DNAH3: variants seen among roughly 807,000 people sequenced by gnomAD.
DNAH3 encodes the protein dynein axonemal heavy chain 3, also known as axonemal beta dynein heavy chain 3.
DNAH3 carries 332 observed loss-of-function variants against 432.5 expected under a neutral mutation model. The ratio of observed to expected loss-of-function variants is 0.77; its 90% CI spans 0.70 to 0.84. DNAH3 has a LOEUF of 0.84. Among genes scored for constraint, DNAH3 ranks in the 40% least tolerant of loss-of-function variants. DNAH3 has a pLI of 0.00. For missense variants in DNAH3, 4,861 were observed against 5,114.0 expected (o/e 0.95, Z 1.51); for synonymous variants, 1,956 against 1,900.2 (o/e 1.03, Z -0.76).
At chr16:20,947,850 C>A (rs985132888) in intron 57 of DNAH3, among the ~76,000 whole-genome samples, 2 of 152,102 alleles carry the variant, frequency 1.3e-5, no homozygotes, top group Non-Finnish European at 2.9e-5. Context: ...GGTCTCAGCT[C>A]ACCACAACCT....
intron 49 of DNAH3, among the ~76,000 whole-genome samples, chr16:20,980,680 G>A (rs1447365031): frequency 1.3e-5 from 2 of 151,988 alleles, no homozygotes; most frequent in African/African-American, 2.4e-5. Context: ...GAAACACCAT[G>A]CCCAGCCAAT....
chr16:20,953,119 TTTTTGTTTGTTTTGC>T (rs1053125310), intron 55 of DNAH3, among the ~76,000 whole-genome samples: 6 of 151,944 alleles, frequency 3.9e-5, no homozygotes, highest in African/African-American at 1.4e-4. Flanking sequence ...ATAGGGAAGT[TTTTTGTTTGTTTTGC>T]TTTTGTTTGT....
At chr16:21,051,251 T>C (rs1366008635) in intron 29 of DNAH3, among the ~76,000 whole-genome samples, 3 of 152,216 alleles carry the variant, frequency 2.0e-5, no homozygotes, top group Non-Finnish European at 2.9e-5. Context: ...TCAGAGGACT[T>C]TGCTGAGCAC....
chr16:21,111,005 G>GA (rs1567808278), intron 14 of DNAH3, among the ~76,000 whole-genome samples: 1 of 152,104 alleles, frequency 6.6e-6, no homozygotes, highest in African/African-American at 2.4e-5. Context: ...AACATAGCAA[G>GA]ACCCTGTCTC....
intron 41 of DNAH3, among the ~76,000 whole-genome samples, chr16:21,005,148 G>A (rs183938468): frequency 1.3e-3 from 184 of 138,404 alleles, no homozygotes; most frequent in Middle Eastern, 0.011. Flanking sequence ...TCTTTCTCTC[G>A]TCTCTTTCTT....
intron 59 of DNAH3, among the ~76,000 whole-genome samples, chr16:20,937,548 TGAGACAG>T (rs2083640086): frequency 6.7e-6 from 1 of 149,448 alleles, no homozygotes. Flanking sequence ...TTTTTTTTTT[TGAGACAG>T]AGTCTTGCCC....
intron 51 of DNAH3, among the ~76,000 whole-genome samples, chr16:20,971,435 C>A (rs2085338030): frequency 6.6e-6 from 1 of 152,102 alleles, no homozygotes. Context: ...AGGGCCACAG[C>A]CCTGAAAGGT....
intron 24 of DNAH3, among the ~76,000 whole-genome samples, chr16:21,064,434 C>T (rs858209): frequency 0.24 from 36,848 of 152,074 alleles, 4,744 homozygotes; most frequent in East Asian, 0.46. Flanking sequence ...CTGAGCTAAA[C>T]TGATCATGTG....
chr16:20,982,937 C>T, intron 48 of DNAH3, 51 bp from the exon 49 acceptor site: 1 of 1,605,288 alleles, frequency 6.2e-7, no homozygotes, highest in African/African-American at 1.3e-5. Context: ...CAGGTGGACC[C>T]AAGGAGGCAG....
chr16:21,159,292 C>G (rs779541577), intron 1 of DNAH3: 39 of 1,574,764 alleles, frequency 2.5e-5, no homozygotes, highest in Non-Finnish European at 3.4e-5. Flanking sequence ...TATTCAGTCT[C>G]TGTGCCTTCT....
intron 33 of DNAH3, among the ~76,000 whole-genome samples, chr16:21,038,192 G>A (rs1239869417): frequency 1.3e-5 from 2 of 152,162 alleles, no homozygotes; most frequent in African/African-American, 4.8e-5. Flanking sequence ...TGTATAACAT[G>A]TATGGTATAT....
intron 18 of DNAH3, among the ~76,000 whole-genome samples, chr16:21,090,566 C>T (rs1007899063): frequency 6.6e-6 from 1 of 152,026 alleles, no homozygotes; most frequent in Non-Finnish European, 1.5e-5. Flanking sequence ...TATTAACAGC[C>T]TCAAAATTTT....
chr16:20,964,519 C>T, exon 53 of DNAH3: 1 of 1,614,134 alleles, frequency 6.2e-7, no homozygotes, highest in Non-Finnish European at 8.5e-7. Context: ...GACAGGGGTG[C>T]CTAACTGCAG....
exon 43 of DNAH3, chr16:21,000,468 G>C: frequency 6.2e-7 from 1 of 1,613,668 alleles, no homozygotes; most frequent in Non-Finnish European, 8.5e-7. Context: ...AGGTTTTCAA[G>C]AAGAAGGACT....
chr16:20,983,061 G>A (rs1342373413), intron 48 of DNAH3, 175 bp from the exon 49 acceptor site: 2 of 607,390 alleles, frequency 3.3e-6, no homozygotes, highest in Non-Finnish European at 5.7e-6. Flanking sequence ...GGGCTAATTA[G>A]TGGGATATTT....
chr16:21,109,734 C>CTT (rs557821553), intron 14 of DNAH3, among the ~76,000 whole-genome samples: 5 of 143,648 alleles, frequency 3.5e-5, no homozygotes, highest in Admixed American at 1.4e-4. Context: ...ATACCTCTCT[C>CTT]TTTTTTTTTT....
At chr16:20,946,593 TG>T (rs1023154669) in intron 57 of DNAH3, among the ~76,000 whole-genome samples, 38 of 152,274 alleles carry the variant, frequency 2.5e-4, no homozygotes, top group Admixed American at 2.2e-3. Flanking sequence ...GGCCTTGGCA[TG>T]TGACAGGTTG....
chr16:21,016,167 AC>A (rs1361848002), intron 41 of DNAH3, among the ~76,000 whole-genome samples: 2 of 152,144 alleles, frequency 1.3e-5, no homozygotes, highest in Admixed American at 6.5e-5. Flanking sequence ...AAGTTTAGCA[AC>A]CAAAAGCTTT....
intron 16 of DNAH3, among the ~76,000 whole-genome samples, chr16:21,101,412 C>CTA (rs769968137): frequency 1.3e-5 from 2 of 151,836 alleles, no homozygotes; most frequent in Non-Finnish European, 1.5e-5. Flanking sequence ...AAATAAATTC[C>CTA]TATATATATA....
Sources: gnomAD v4.1 joint callset for allele counts (sites outside exome capture counted in the v4.1 genomes callset) on GRCh38, gnomAD v4.1.1 for gene constraint, MANE v1.5 for transcripts, NCBI Gene and HGNC (gene_info 2026-07-23, HGNC 2026-07-21) for gene names.